The following NIFK variants were observed in gnomAD, a reference collection of about 807,000 sequenced individuals.
NIFK encodes the protein nucleolar protein interacting with the FHA domain of MKI67, also known as MKI67 FHA domain-interacting nucleolar phosphoprotein.
A neutral mutation model predicts 31.7 loss-of-function variants in NIFK; 16 were observed. The ratio of observed to expected loss-of-function variants is 0.50; its 90% CI spans 0.34 to 0.77. The LOEUF (loss-of-function observed/expected upper bound fraction) is 0.77. NIFK is among the 30% of genes least tolerant of loss of function. The pLI is 0.01. For synonymous variants in NIFK, 126 were observed against 123.0 expected (o/e 1.02, Z -0.16); for missense variants, 341 against 350.4 (o/e 0.97, Z 0.21).
chr2:121,735,338 G>C (rs988981984), intron 2 of NIFK, among the ~76,000 whole-genome samples: 1 of 152,098 alleles, frequency 6.6e-6, no homozygotes, highest in Non-Finnish European at 1.5e-5. Context: ...TGTACCAAAG[G>C]CTAACACAAG....
intron 2 of NIFK, among the ~76,000 whole-genome samples, chr2:121,734,777 G>C (rs997450318): frequency 6.6e-6 from 1 of 152,116 alleles, no homozygotes; most frequent in African/African-American, 2.4e-5. Flanking sequence ...CCGGGCGACA[G>C]TGCAAGCCTC....
At position 121,727,906 on chromosome 2, in the gene NIFK, T is replaced by C; in HGVS notation, c.700A>G (p.Thr234Ala). The part of the protein sequence containing the change: ...PEKTVDSQGP[T>A]PVCTPTFLER... ...AAAAATGTTGGTGTACAAACTGGTG[T>C]GGGGCCCTGGATTCAACAAGTAAAG... The change falls in exon 7 of 7, where the codon ACA becomes GCA. Residue 234 changes from threonine (T) to alanine (A), a missense_variant. Transcript: ENST00000285814. The C allele has an allele frequency of 1.9e-6, 3 of 1,591,188 alleles. No homozygotes were observed. Among genetic ancestry groups the C allele is most frequent in the Non-Finnish European group, 2.6e-6 (3 of 1,174,634 alleles).
intron 4 of NIFK, among the ~76,000 whole-genome samples, chr2:121,728,811 G>A (rs2074514635): frequency 6.6e-6 from 1 of 152,156 alleles, no homozygotes; most frequent in Non-Finnish European, 1.5e-5. Context: ...GTGGAAGCAG[G>A]AAGAATGTGC....
chr2:121,727,042 A>G lies in NIFK; in HGVS notation c.*682T>C, dbSNP rs2074495979. ...GACTCCCAAGTCCTACTCGCAAACA[A>G]ATACATTGTAGAAAAAAGTTTAATT... On this transcript the variant is annotated 3_prime_UTR_variant, in exon 7 of 7. Transcript: ENST00000285814. The G allele has an allele frequency of 6.0e-6, 1 of 167,238 alleles. No homozygotes were observed. 10.4% of individuals were successfully genotyped at this position (167,238 alleles called of 1,614,324 possible). A position where few individuals can be genotyped will look rare whatever the true frequency, so the allele number is the denominator to read the frequency against.
At chr2:121,728,399 G>T in intron 5 of NIFK, 43 bp from the exon 6 acceptor site, 3 of 1,470,324 alleles carry the variant, frequency 2.0e-6, no homozygotes, top group Non-Finnish European at 2.8e-6. Context: ...ATATTGATCA[G>T]CTACAGTAGT....
intron 2 of NIFK, among the ~76,000 whole-genome samples, chr2:121,735,365 G>C (rs2074571516): frequency 6.6e-6 from 1 of 152,018 alleles, no homozygotes; most frequent in Non-Finnish European, 1.5e-5. Context: ...TATAAACCTG[G>C]GCCTCATACT....
At chr2:121,731,270 G>A (rs543408808) in intron 3 of NIFK, 166 bp from the exon 4 acceptor site, 3 of 568,616 alleles carry the variant, frequency 5.3e-6, no homozygotes, top group East Asian at 2.9e-5. Flanking sequence ...ACAAGACCTG[G>A]GCAGCCTTGT....
In NIFK at chr2:121,736,861, G is replaced by A. The variant is rs377067775; in HGVS notation, c.-11C>T. 1.6e-5 allele frequency: 25 copies of A among 1,610,336 alleles called. No individual in the cohort carries two copies. The highest frequency in any genetic ancestry group is 2.0e-5 in the Non-Finnish European group (24 of 1,176,840). ...AGAAAAAGTCGCCATGCCAAAAGCC[G>A]CCGACGCTAACCACGCGGCGCTCCC... On this transcript the variant is annotated 5_prime_UTR_variant, in exon 1 of 7. Transcript: ENST00000285814.
Position 121,730,925 on chromosome 2 carries a change from T to C in NIFK, c.532A>G (p.Lys178Glu). Residue 178 changes from lysine (K) to glutamate (E), a missense_variant, in exon 4 of 7, where the codon AAA becomes GAA. By Grantham distance (56) the Lys-to-Glu change is moderately conservative. Coordinates refer to ENST00000285814, the MANE Select transcript of NIFK (RefSeq NM_032390.5). Reference protein sequence around the residue: ...KERLLRKKLAKKGIDYDFPSL... With the variant: ...KERLLRKKLAEKGIDYDFPSL... The stretch of plus-strand genomic sequence containing the variant: ...GGAAAATCATAGTCAATTCCTTTTT[T>C]AGCTAATTTCTTCCTGAGTAATCTT... 2 of 1,612,660 alleles carry C rather than the reference T, an allele frequency of 1.2e-6. No homozygotes were observed. The highest frequency in any genetic ancestry group is 8.5e-7 in the Non-Finnish European group (1 of 1,178,902).
intron 2 of NIFK, among the ~76,000 whole-genome samples, chr2:121,734,678 A>C (rs1364654474): frequency 6.6e-6 from 1 of 152,128 alleles, no homozygotes; most frequent in Non-Finnish European, 1.5e-5. Flanking sequence ...CTGTAATCCC[A>C]GCTACTTGGG....
chr2:121,728,059 A>G, intron 6 of NIFK, 147 bp from the exon 7 acceptor site: 1 of 785,044 alleles, frequency 1.3e-6, no homozygotes, highest in Non-Finnish European at 2.0e-6. Flanking sequence ...ATTGCAAAGA[A>G]TAAAGAACTT....
At chr2:121,728,248 C>A in intron 6 of NIFK, 40 bp downstream of exon 6, 1 of 1,219,834 alleles carries the variant, frequency 8.2e-7, no homozygotes, top group Non-Finnish European at 1.2e-6. Flanking sequence ...CAAATTATTT[C>A]TATAATATCT....
Position 121,728,276 on chromosome 2 carries a change from A to T in NIFK, c.693+12T>A, listed in dbSNP as rs759226702. 1.3e-6 allele frequency: 2 copies of T among 1,566,384 alleles called. No individual in the cohort carries two copies. The highest frequency in any genetic ancestry group is 2.7e-5 in the African/African-American group (2 of 73,352). ...TAATATCTGGTGTCTGGAGTATTGA[A>T]AACCATTTTACCTGGCTATCCACAG... is the stretch of plus-strand genomic sequence containing the variant. On this transcript the variant is annotated intron_variant, in intron 6 of 6. Transcript: ENST00000285814.
chr2:121,736,010 T>C (rs1452949609), intron 1 of NIFK, among the ~76,000 whole-genome samples: 1 of 152,194 alleles, frequency 6.6e-6, no homozygotes, highest in Admixed American at 6.5e-5. Context: ...AGCAAGGACA[T>C]CTTTGAACAA....
intron 4 of NIFK, among the ~76,000 whole-genome samples, chr2:121,729,107 A>C (rs1318044585): frequency 6.6e-6 from 1 of 152,164 alleles, no homozygotes; most frequent in African/African-American, 2.4e-5. Flanking sequence ...CACGCCTACA[A>C]TCCCAGCACT....
In NIFK at chr2:121,732,086, G is replaced by A; in HGVS notation, c.352+10C>T. ...CCCAGGCAACCCTGCGGTAAGACAG[G>A]AGCACTTACACTCCAAGAGTCTTTC... On this transcript the variant is annotated intron_variant, in intron 3 of 6. Coordinates refer to ENST00000285814, the MANE Select transcript of NIFK (RefSeq NM_032390.5). 1.9e-6 allele frequency: 3 copies of A among 1,540,770 alleles called. No individual in the cohort carries two copies. Among genetic ancestry groups the A allele is most frequent in the East Asian group, 2.2e-5 (1 of 44,548 alleles).
Position 121,727,440 on chromosome 2 carries a change from C to A in NIFK, c.*284G>T. ...CTGCAGTTAGTGGTCAACTTTCTATCCAGGCAGAGTAAACTAAGGAGAGCT... is the reference window on the plus strand; with the variant it reads ...CTGCAGTTAGTGGTCAACTTTCTATACAGGCAGAGTAAACTAAGGAGAGCT... On this transcript the variant is annotated 3_prime_UTR_variant, in exon 7 of 7. Transcript: ENST00000285814. The A allele has an allele frequency of 1.7e-6, 1 of 573,694 alleles. No individual in the cohort carries two copies. Among genetic ancestry groups the A allele is most frequent in the Non-Finnish European group, 3.4e-6 (1 of 295,398 alleles). The allele number at this position is 573,694 out of a possible 1,614,324, so 35.5% of individuals were successfully genotyped here. A position where few individuals can be genotyped will look rare whatever the true frequency, so the allele number is the denominator to read the frequency against.
In NIFK at chr2:121,735,602, A is replaced by G. The variant is rs1392823279; in HGVS notation, c.243+11T>C. 1.9e-6 allele frequency: 3 copies of G among 1,611,640 alleles called. No individual in the cohort carries two copies. Among genetic ancestry groups the G allele is most frequent in the Non-Finnish European group, 2.5e-6 (3 of 1,179,710 alleles). On this transcript the variant is annotated intron_variant, in intron 2 of 6. Coordinates refer to ENST00000285814, the MANE Select transcript of NIFK (RefSeq NM_032390.5). ...AAAACAAAACATTAAATCCAACTGC[A>G]AAAATCTTACCCTTTTACTTCTGGA...
At chr2:121,735,309 T>C (rs2074571138) in intron 2 of NIFK, among the ~76,000 whole-genome samples, 1 of 152,214 alleles carries the variant, frequency 6.6e-6, no homozygotes, top group Non-Finnish European at 1.5e-5. Flanking sequence ...ATATAAACCT[T>C]TGCTATTATA....
Sources: gnomAD v4.1 joint callset for allele counts (sites outside exome capture counted in the v4.1 genomes callset) on GRCh38, gnomAD v4.1.1 for gene constraint, MANE v1.5 for transcripts, NCBI Gene and HGNC (gene_info 2026-07-23, HGNC 2026-07-21) for gene names.